The following NTRK2 variants were observed in gnomAD, a reference collection of about 807,000 sequenced individuals.
NTRK2 encodes neurotrophic receptor tyrosine kinase 2.
In NTRK2, 13 loss-of-function variants were observed where a neutral mutation model predicts 94.5. That is an observed-to-expected ratio of 0.14 (90% CI 0.09 to 0.22). The LOEUF (loss-of-function observed/expected upper bound fraction) is 0.22, where lower values mean the gene tolerates loss of function less well. Among genes scored for constraint, NTRK2 ranks in the 10% least tolerant of loss-of-function variants. NTRK2 has a pLI of 1.00. For missense variants in NTRK2, 639 were observed against 1,071.2 expected (o/e 0.60, Z 5.63); for synonymous variants, 372 against 407.4 (o/e 0.91, Z 1.05).
chr9:84,835,089 A>G (rs1269186447), intron 12 of NTRK2, among the ~76,000 whole-genome samples: 1 of 152,118 alleles, frequency 6.6e-6, no homozygotes, highest in African/African-American at 2.4e-5. Flanking sequence ...CCTTCTAGCT[A>G]TTTCAGGGAT....
chr9:84,812,089 T>C (rs201979140), intron 12 of NTRK2: 17 of 1,060,338 alleles, frequency 1.6e-5, no homozygotes, highest in Non-Finnish European at 1.9e-5. Flanking sequence ...GCACAAATGC[T>C]GCAATTTAGC....
chr9:84,968,793 A>T (rs1439834739), intron 17 of NTRK2, among the ~76,000 whole-genome samples: 3 of 152,206 alleles, frequency 2.0e-5, no homozygotes, highest in African/African-American at 7.2e-5. Context: ...AGTATTATTT[A>T]TTCTGTTTTT....
At chr9:84,881,367 A>G (rs2076249444) in intron 14 of NTRK2, among the ~76,000 whole-genome samples, 1 of 152,190 alleles carries the variant, frequency 6.6e-6, no homozygotes, top group Non-Finnish European at 1.5e-5. Context: ...ATGAACGTGT[A>G]ATCAGGAAGT....
At chr9:84,903,804 C>G (rs1323902308) in intron 14 of NTRK2, among the ~76,000 whole-genome samples, 1 of 151,654 alleles carries the variant, frequency 6.6e-6, no homozygotes, top group African/African-American at 2.4e-5. Context: ...AACTCTTTTA[C>G]TGTAATAGGG....
chr9:84,753,559 A>T (rs2064825990), intron 12 of NTRK2, among the ~76,000 whole-genome samples: 1 of 152,176 alleles, frequency 6.6e-6, no homozygotes, highest in East Asian at 1.9e-4. Flanking sequence ...GAATGTGACA[A>T]GATGTTGGTA....
intron 14 of NTRK2, 114 bp from the exon 15 acceptor site, chr9:84,934,046 GCA>G: frequency 5.3e-6 from 6 of 1,133,510 alleles, no homozygotes; most frequent in Non-Finnish European, 7.9e-6. Flanking sequence ...GGTTCACTGT[GCA>G]CAGAGGAGAG....
At chr9:84,821,770 A>G (rs2072852710) in intron 12 of NTRK2, among the ~76,000 whole-genome samples, 1 of 151,284 alleles carries the variant, frequency 6.6e-6, no homozygotes, top group Non-Finnish European at 1.5e-5. Flanking sequence ...ACCAGCCTGA[A>G]GGTTTCCTTA....
At chr9:84,959,022 C>T (rs914266005) in intron 17 of NTRK2, among the ~76,000 whole-genome samples, 2 of 152,212 alleles carry the variant, frequency 1.3e-5, no homozygotes, top group Non-Finnish European at 2.9e-5. Context: ...AAAGCTTAAC[C>T]TTGAACCCAT....
At chr9:84,709,812 TC>T (rs1312169086) in intron 5 of NTRK2, among the ~76,000 whole-genome samples, 1 of 152,198 alleles carries the variant, frequency 6.6e-6, no homozygotes, top group East Asian at 1.9e-4. Flanking sequence ...GTTTTTATTT[TC>T]CTCTTGACTA....
intron 14 of NTRK2, chr9:84,877,747 T>C (rs1291720286): frequency 3.8e-6 from 4 of 1,057,326 alleles, no homozygotes; most frequent in Non-Finnish European, 3.4e-6. Flanking sequence ...ACTCCAGGGC[T>C]TGCCCACGTG....
At chr9:84,723,000 A>T (rs546333711) in intron 6 of NTRK2, among the ~76,000 whole-genome samples, 2 of 152,362 alleles carry the variant, frequency 1.3e-5, no homozygotes, top group South Asian at 4.1e-4. Context: ...AATAGTTCAA[A>T]CTGCTTGTCT....
At chr9:84,755,062 C>T (rs1372131797) in intron 12 of NTRK2, among the ~76,000 whole-genome samples, 2 of 152,208 alleles carry the variant, frequency 1.3e-5, no homozygotes, top group African/African-American at 2.4e-5. Flanking sequence ...CCACCCCTTA[C>T]TCCTGCAAAC....
chr9:84,994,082 G>T (rs1829432366), intron 17 of NTRK2, among the ~76,000 whole-genome samples: 2 of 152,086 alleles, frequency 1.3e-5, no homozygotes, highest in Admixed American at 6.6e-5. Context: ...AGCCACTAAA[G>T]GGTTACTTCC....
In NTRK2 at chr9:84,751,680, C is replaced by T. The variant is rs188491280; in HGVS notation, c.1297-306C>T. On this transcript the variant is annotated intron_variant, in intron 11 of 18. Coordinates refer to ENST00000277120, the MANE Select transcript of NTRK2 (RefSeq NM_006180.6). ...CCCACCTCTCTTTCTCTCTCTCCTC[C>T]CTCTTTAGATGGATGGAGAGAGAGC... is the stretch of plus-strand genomic sequence containing the variant. 1.6e-4 allele frequency among the ~76,000 whole-genome samples: 24 copies of T among 152,256 alleles called. No individual in the cohort carries two copies. The East Asian group carries it at 4.4e-3, about 28-fold the overall frequency.
At chr9:84,868,814 T>C (rs2075711856) in intron 14 of NTRK2, among the ~76,000 whole-genome samples, 1 of 152,130 alleles carries the variant, frequency 6.6e-6, no homozygotes, top group Admixed American at 6.6e-5. Context: ...GGAGCATCTG[T>C]CATCATTTTG....
chr9:84,965,025 C>T (rs1480749118), intron 17 of NTRK2, among the ~76,000 whole-genome samples: 1 of 152,256 alleles, frequency 6.6e-6, no homozygotes, highest in East Asian at 1.9e-4. Context: ...CCTGCCTACA[C>T]AGAATTATTA....
intron 7 of NTRK2, 72 bp from the exon 8 acceptor site, chr9:84,724,152 A>G (rs986164090): frequency 8.3e-6 from 13 of 1,562,814 alleles, no homozygotes; most frequent in Middle Eastern, 1.8e-4. Context: ...AGTTAGGGGA[A>G]GAAACCCCAA....
rs201852589 is a variant in NTRK2 at position 85,020,184 on chromosome 9, C to T, written c.2173-22C>T. ...TGGTTTCGGGGTGACTGATGCCTCC[C>T]TGTTGATCCCTTTCTCCCCAGGTCG... On this transcript the variant is annotated intron_variant, in intron 17 of 18. Transcript: ENST00000277120. 53 of 1,613,836 alleles carry T rather than the reference C, an allele frequency of 3.3e-5. No individual in the cohort carries two copies. In the South Asian group the frequency reaches 5.5e-4, roughly 17 times the overall value.
intron 14 of NTRK2, among the ~76,000 whole-genome samples, chr9:84,920,097 A>C (rs1210014116): frequency 6.6e-6 from 1 of 151,880 alleles, no homozygotes; most frequent in African/African-American, 2.4e-5. Flanking sequence ...CACTTTTCCT[A>C]CTTTGTCTCA....
Sources: allele counts gnomAD v4.1 joint callset (sites outside exome capture counted in the v4.1 genomes callset), GRCh38; gene constraint gnomAD v4.1.1; transcripts MANE v1.5; gene names NCBI Gene and HGNC (gene_info 2026-07-23, HGNC 2026-07-21).